The following CHD8 variants were observed in gnomAD, a reference collection of about 807,000 sequenced individuals.
CHD8 encodes the protein chromodomain helicase DNA binding protein 8.
In CHD8, 31 loss-of-function variants were observed where a neutral mutation model predicts 279.2. The observed-to-expected ratio is 0.11, with a 90% CI of 0.08 to 0.15. The LOEUF (loss-of-function observed/expected upper bound fraction) is 0.15. CHD8 is among the 10% of genes least tolerant of loss of function. CHD8 has a pLI of 1.00. For synonymous variants in CHD8, 1,081 were observed against 1,139.6 expected, an observed-to-expected ratio of 0.95 and a Z score of 1.04; for missense variants, 2,146 against 3,230.5, an observed-to-expected ratio of 0.66 and a Z score of 8.14.
chr14:21,417,547 C>T (rs2139503823), intron 5 of CHD8, among the ~76,000 whole-genome samples: 1 of 152,164 alleles, frequency 6.6e-6, no homozygotes, highest in East Asian at 1.9e-4. Context: ...GAGACCCTGT[C>T]TCTATTTTAT....
intron 37 of CHD8, 63 bp downstream of exon 37, chr14:21,390,884 T>C: frequency 1.2e-6 from 1 of 809,930 alleles, no homozygotes. Context: ...CAATCATCAT[T>C]GAAAGACTTG....
chr14:21,428,672 A>C lies in CHD8; in HGVS notation c.1215+292T>G, dbSNP rs557003359. Among the ~76,000 whole-genome samples, 8 of 152,362 alleles carry C rather than the reference A, an allele frequency of 5.3e-5. No homozygotes were observed. In the South Asian group the frequency reaches 1.7e-3, roughly 32 times the overall value. ...TCATTTCTGAACTATCATTTAAAGGATATCACAAATCATTTTTATTTCACA... is the reference window on the plus strand; with the variant it reads ...TCATTTCTGAACTATCATTTAAAGGCTATCACAAATCATTTTTATTTCACA... On this transcript the variant is annotated intron_variant, in intron 3 of 37. Coordinates refer to ENST00000646647, the MANE Select transcript of CHD8 (RefSeq NM_001170629.2).
At chr14:21,439,147 G>A (rs767442128) in intron 1 of CHD8, among the ~76,000 whole-genome samples, 2 of 151,842 alleles carry the variant, frequency 1.3e-5, no homozygotes, top group East Asian at 3.9e-4. Context: ...AAAAAAGGGC[G>A]GCTTATCTCC....
chr14:21,431,057 T>G lies in CHD8; in HGVS notation c.587A>C (p.Asn196Thr). The change falls in exon 2 of 38, where the codon AAT becomes ACT. Residue 196 changes from asparagine (N) to threonine (T), a missense_variant. Around this residue, in one of 26 missense-constraint regions of CHD8, gnomAD observed 302 missense variants for 325.5 expected, o/e 0.93. Coordinates refer to ENST00000646647, the MANE Select transcript of CHD8 (RefSeq NM_001170629.2). Reference protein sequence around the residue: ...TAQPLVAGTANGGKVTFTKVL... With the variant: ...TAQPLVAGTATGGKVTFTKVL... ...TTTGGTAAAAGTGACTTTTCCACCATTGGCTGTGCCTGCCACCAGGGGCTG... is the reference window on the plus strand; with the variant it reads ...TTTGGTAAAAGTGACTTTTCCACCAGTGGCTGTGCCTGCCACCAGGGGCTG... The G allele has an allele frequency of 1.3e-6, 2 of 1,599,352 alleles. No homozygotes were observed. The highest frequency in any genetic ancestry group is 1.7e-6 in the Non-Finnish European group (2 of 1,179,730).
At position 21,393,808 on chromosome 14, in the gene CHD8, GGTGAGGCAGTGC is replaced by G; in HGVS notation, c.5975_5986del (p.Arg1992_Ser1995del). On this transcript the variant is annotated inframe_deletion, in exon 32 of 38. Transcript: ENST00000646647. ...AGGAGCATCTGGGCGCAGGGGCAGTGGTGAGGCAGTGCGTGAGGTATACTGCTGGTGCAGCAG... is the reference window on the plus strand; with the variant it reads ...AGGAGCATCTGGGCGCAGGGGCAGTGGTGAGGTATACTGCTGGTGCAGCAG... 6.2e-7 allele frequency: 1 copy of G among 1,613,976 alleles called. No homozygotes were observed. Among genetic ancestry groups the G allele is most frequent in the Non-Finnish European group, 8.5e-7 (1 of 1,179,898 alleles).
intron 1 of CHD8, among the ~76,000 whole-genome samples, chr14:21,432,912 C>T (rs1021617777): frequency 2.0e-5 from 3 of 151,874 alleles, no homozygotes; most frequent in South Asian, 2.1e-4. Flanking sequence ...GGTTCCTTTG[C>T]GCAAATTGTA....
rs1457579513 is a variant in CHD8 at position 21,409,974 on chromosome 14, G to A, written c.2241C>T (p.Tyr747=). 11 of 1,612,464 alleles carry A rather than the reference G, an allele frequency of 6.8e-6. No individual in the cohort carries two copies. The highest frequency in any genetic ancestry group is 5.3e-5 in the African/African-American group (4 of 74,844). Residue 747 remains tyrosine, a synonymous_variant, in exon 11 of 38, where the codon TAC becomes TAT. Coordinates refer to ENST00000646647, the MANE Select transcript of CHD8 (RefSeq NM_001170629.2). ...DKDNGEPVIY[Y]LVKWCSLPYE... ...AGGGCAGAGAGCACCATTTCACCAG[G>A]TAGTAAATAACGGGCTAGGAGAGAA... is the stretch of plus-strand genomic sequence containing the variant.
At position 21,410,065 on chromosome 14, in the gene CHD8, G is replaced by A. The variant is rs1316430607; in HGVS notation, c.2227-77C>T. On this transcript the variant is annotated intron_variant, in intron 10 of 37. Transcript: ENST00000646647. ...CCAGTTAAAGAATAAAAATTTGATTGTAAAATCAGATCACAAAGTATCAGT... is the reference window on the plus strand; with the variant it reads ...CCAGTTAAAGAATAAAAATTTGATTATAAAATCAGATCACAAAGTATCAGT... 2.2e-6 allele frequency: 3 copies of A among 1,387,810 alleles called. No homozygotes were observed. The African/African-American group carries it at 4.3e-5, about 20-fold the overall frequency. 86.0% of individuals were successfully genotyped at this position (1,387,810 alleles called of 1,614,324 possible). A position where few individuals can be genotyped will look rare whatever the true frequency, so the allele number is the denominator to read the frequency against.
At chr14:21,386,261 A>G in intron 37 of CHD8, 85 bp from the exon 38 acceptor site, 1 of 1,304,996 alleles carries the variant, frequency 7.7e-7, no homozygotes, top group Non-Finnish European at 1.0e-6. Context: ...CTAGCTTACA[A>G]TGCTTTTTTA....
chr14:21,412,900 C>T lies in CHD8; in HGVS notation c.2226+13G>A, dbSNP rs774641703. Reference sequence around the variant, plus strand: ...AGAGGATGTTCACGTTACTCCATGCCTCAACAACTCACCTCCCCATTGTCC... The same window carrying T: ...AGAGGATGTTCACGTTACTCCATGCTTCAACAACTCACCTCCCCATTGTCC... On this transcript the variant is annotated intron_variant, in intron 10 of 37. Transcript: ENST00000646647. 4 of 1,544,558 alleles carry T rather than the reference C, an allele frequency of 2.6e-6. No homozygotes were observed. The African/African-American group carries it at 5.4e-5, about 21-fold the overall frequency.
rs750425282 is a variant in CHD8 at position 21,430,752 on chromosome 14, T to C, written c.843+49A>G. 11 of 1,182,182 alleles carry C rather than the reference T, an allele frequency of 9.3e-6. No individual in the cohort carries two copies. In the Admixed American group the frequency reaches 1.8e-4, roughly 19 times the overall value. The allele number at this position is 1,182,182 out of a possible 1,614,324, so 73.2% of individuals were successfully genotyped here. On this transcript the variant is annotated intron_variant, in intron 2 of 37. Coordinates refer to ENST00000646647, the MANE Select transcript of CHD8 (RefSeq NM_001170629.2). ...TGTGCTCACTCTCTCAAAGAGTTGCTGGGCCCTCTATGAAACCAAAATTCA... is the reference window on the plus strand; with the variant it reads ...TGTGCTCACTCTCTCAAAGAGTTGCCGGGCCCTCTATGAAACCAAAATTCA...
intron 1 of CHD8, among the ~76,000 whole-genome samples, chr14:21,441,350 C>T (rs1329585954): frequency 6.6e-6 from 1 of 152,114 alleles, no homozygotes. Context: ...TTTCTTCCTG[C>T]TTAAGTTACC....
intron 1 of CHD8, among the ~76,000 whole-genome samples, chr14:21,449,881 T>G (rs759399210): frequency 3.6e-4 from 55 of 152,312 alleles, no homozygotes; most frequent in Non-Finnish European, 6.3e-4. Flanking sequence ...CTGCCTACAC[T>G]ATATAGTTAA....
At chr14:21,390,008 G>T (rs1037010051) in intron 37 of CHD8, among the ~76,000 whole-genome samples, 3 of 152,172 alleles carry the variant, frequency 2.0e-5, no homozygotes, top group Non-Finnish European at 4.4e-5. Context: ...GCCAAGGCGG[G>T]TGGATTACTT....
chr14:21,398,299 G>A (rs1887877208), intron 26 of CHD8: 1 of 154,366 alleles, frequency 6.5e-6, no homozygotes, highest in Non-Finnish European at 1.4e-5. Context: ...GAGTGCAGTG[G>A]TGCGATCTTG....
rs1274136573 is a variant in CHD8 at position 21,386,000 on chromosome 14, G to A, written c.7359C>T (p.Gly2453=). Residue 2453 remains glycine (G), a synonymous_variant, in exon 38 of 38, where the codon GGC becomes GGT. Transcript: ENST00000646647. ...GACCCAAAGATGACACAGACTGTAG[G>A]CCACTACTGCTGTGTTGGAACGTGT... is the stretch of plus-strand genomic sequence containing the variant. ...LHNTFQHSSS[G]LQSVSSLGHS... is the part of the protein sequence containing the mutation. The A allele has an allele frequency of 1.3e-6, 2 of 1,588,352 alleles. No homozygotes were observed. Among genetic ancestry groups the A allele is most frequent in the Admixed American group, 1.8e-5 (1 of 56,332 alleles).
chr14:21,395,205 C>A, intron 29 of CHD8, 86 bp from the exon 30 acceptor site: 1 of 1,530,438 alleles, frequency 6.5e-7, no homozygotes, highest in Non-Finnish European at 9.0e-7. Flanking sequence ...AAAGGCAAAG[C>A]TCTTAGAAAT....
At chr14:21,407,161 C>T (rs923614790) in intron 13 of CHD8, 129 bp from the exon 14 acceptor site, 8 of 664,134 alleles carry the variant, frequency 1.2e-5, no homozygotes, top group Non-Finnish European at 2.0e-5. Context: ...CCACCTCCAC[C>T]GCTGTTTATC....
intron 3 of CHD8, 36 bp downstream of exon 3, chr14:21,428,928 G>T (rs756182272): frequency 6.2e-7 from 1 of 1,606,108 alleles, no homozygotes; most frequent in South Asian, 1.1e-5. Flanking sequence ...AAGTATTTTT[G>T]TTTTCTTTCT....
Sources: allele counts gnomAD v4.1 joint callset (sites outside exome capture counted in the v4.1 genomes callset), GRCh38; gene constraint gnomAD v4.1.1; regional missense constraint gnomAD v4.1.1; transcripts MANE v1.5; gene names NCBI Gene and HGNC (gene_info 2026-07-23, HGNC 2026-07-21).